JAK2: variants seen among roughly 807,000 people sequenced by gnomAD.
JAK2 encodes the protein tyrosine-protein kinase JAK2.
In JAK2, 86 loss-of-function variants were observed where a neutral mutation model predicts 139.3. That is an observed-to-expected ratio of 0.62 (90% CI 0.52 to 0.74). The LOEUF (loss-of-function observed/expected upper bound fraction) is 0.74. Ranked by LOEUF, JAK2 falls within the 30% of genes least tolerant of loss-of-function variation. JAK2 has a pLI of 0.00. For synonymous variants in JAK2, 490 were observed against 437.7 expected (o/e 1.12, Z -1.49); for missense variants, 1,421 against 1,360.3 (o/e 1.04, Z -0.70).
chr9:5,119,984 T>A (rs1823491497), intron 22 of JAK2, among the ~76,000 whole-genome samples: 1 of 152,222 alleles, frequency 6.6e-6, no homozygotes, highest in Admixed American at 6.5e-5. Flanking sequence ...ATAAACACTG[T>A]CTTAGTCCCT....
Position 5,080,353 on chromosome 9 carries a change from A to T in JAK2, c.2256A>T (p.Lys752Asn). The change falls in exon 17 of 25, where the codon AAA (lysine) becomes AAT (asparagine). Residue 752 changes from lysine to asparagine, a missense_variant. By Grantham distance (94) the Lys-to-Asn change is moderately conservative. Transcript: ENST00000381652. ...GGGAAATCTGCAGTGGAGGAGATAA[A>T]CCTCTAAGTGCTCTGGATTCTCAAA... ...TLWEICSGGD[K>N]PLSALDSQRK... 6.2e-7 allele frequency: 1 copy of T among 1,613,574 alleles called. No homozygotes were observed. The highest frequency in any genetic ancestry group is 8.5e-7 in the Non-Finnish European group (1 of 1,179,702).
intron 19 of JAK2, among the ~76,000 whole-genome samples, chr9:5,082,307 A>C (rs1819758844): frequency 6.6e-6 from 1 of 152,184 alleles, no homozygotes; most frequent in African/African-American, 2.4e-5. Flanking sequence ...GAGGAAAGGA[A>C]TCTGTGTCAC....
At chr9:5,060,385 A>T (rs1023613264) in intron 8 of JAK2, among the ~76,000 whole-genome samples, 6 of 152,206 alleles carry the variant, frequency 3.9e-5, no homozygotes. Flanking sequence ...TTTTACCCAC[A>T]GTAGAATTTC....
rs757639029 is a variant in JAK2 at position 5,022,184 on chromosome 9, A to C, written c.197A>C (p.Glu66Ala). The C allele has an allele frequency of 1.9e-6, 3 of 1,614,066 alleles. No individual in the cohort carries two copies. Among genetic ancestry groups the C allele is most frequent in the South Asian group, 2.2e-5 (2 of 91,070 alleles). ...TFPSGEYVAE[E>A]ICIAASKACG... The stretch of plus-strand genomic sequence containing the variant: ...CCATCTGGGGAGTATGTTGCAGAAG[A>C]AATCTGTATTGCTGCTTCTAAAGCT... The change falls in exon 3 of 25, where the codon GAA becomes GCA. Residue 66 changes from glutamate (E) to alanine (A), a missense_variant. Physicochemically the swap from Glu to Ala is moderately radical, Grantham distance 107. Transcript: ENST00000381652.
chr9:5,104,240 C>T (rs1047380136), intron 22 of JAK2, among the ~76,000 whole-genome samples: 9 of 152,028 alleles, frequency 5.9e-5, no homozygotes, highest in South Asian at 2.1e-4. Flanking sequence ...ATATCACCAC[C>T]GATCCCACAG....
intron 2 of JAK2, among the ~76,000 whole-genome samples, chr9:4,997,007 A>G (rs889385248): frequency 1.4e-5 from 2 of 143,098 alleles, no homozygotes; most frequent in Non-Finnish European, 3.0e-5. Context: ...GGCTCACTGC[A>G]GCCTTGCCTT....
At chr9:5,083,509 G>T (rs1819860775) in intron 19 of JAK2, among the ~76,000 whole-genome samples, 1 of 152,100 alleles carries the variant, frequency 6.6e-6, no homozygotes, top group Admixed American at 6.5e-5. Context: ...GGAACTTATA[G>T]CATTTATTGT....
intron 8 of JAK2, among the ~76,000 whole-genome samples, chr9:5,063,881 GGC>G (rs1818362658): frequency 2.0e-5 from 3 of 152,206 alleles, no homozygotes; most frequent in Non-Finnish European, 4.4e-5. Context: ...AATCAGGCCG[GGC>G]ATGGTGACTC....
chr9:5,025,722 G>T (rs1822742105), intron 3 of JAK2, among the ~76,000 whole-genome samples: 1 of 151,918 alleles, frequency 6.6e-6, no homozygotes, highest in Non-Finnish European at 1.5e-5. Context: ...TGGTAGAGAC[G>T]GGGTTTGCCA....
At chr9:5,032,133 A>G (rs1034010816) in intron 4 of JAK2, among the ~76,000 whole-genome samples, 4 of 152,240 alleles carry the variant, frequency 2.6e-5, no homozygotes, top group African/African-American at 9.6e-5. Flanking sequence ...TCCTACGCCC[A>G]CGGAGCCTCG....
In JAK2 at chr9:5,085,466, G is replaced by A; in HGVS notation, c.2571+3605G>A. ...TTCTTGAAGGTCTTTTCAAGGTATTGTGCAAATCTCTCATGCTCATTTTCT... is the reference window on the plus strand; with the variant it reads ...TTCTTGAAGGTCTTTTCAAGGTATTATGCAAATCTCTCATGCTCATTTTCT... On this transcript the variant is annotated intron_variant, in intron 19 of 24. Coordinates refer to ENST00000381652, the MANE Select transcript of JAK2 (RefSeq NM_004972.4). The A allele has an allele frequency of 4.1e-6, 3 of 729,208 alleles. No homozygotes were observed. In the Admixed American group the frequency reaches 5.3e-5, roughly 13 times the overall value. The allele number at this position is 729,208 out of a possible 1,614,324, so 45.2% of individuals were successfully genotyped here.
chr9:5,033,470 A>G (rs1463067965), intron 4 of JAK2, among the ~76,000 whole-genome samples: 1 of 152,214 alleles, frequency 6.6e-6, no homozygotes, highest in Non-Finnish European at 1.5e-5. Flanking sequence ...GAAGGAAAAA[A>G]TGTTAAGGGC....
intron 5 of JAK2, among the ~76,000 whole-genome samples, chr9:5,050,352 G>A (rs1259766311): frequency 1.3e-5 from 2 of 152,134 alleles, no homozygotes; most frequent in Admixed American, 6.5e-5. Context: ...CTAGGGTGCA[G>A]TGGTGTGATC....
chr9:5,109,685 T>G (rs977271082), intron 22 of JAK2: 3 of 152,148 alleles, frequency 2.0e-5, no homozygotes, highest in Non-Finnish European at 2.9e-5. Context: ...CAAACTGACA[T>G]TGAATGACAA....
In JAK2 at chr9:5,055,770, G is replaced by A. The variant is rs2130421208; in HGVS notation, c.1038G>A (p.Lys346=). The change falls in exon 8 of 25, where the codon AAG becomes AAA. Residue 346 remains lysine (K), a synonymous_variant. Transcript: ENST00000381652. The part of the protein sequence containing the change: ...SNESRVVTIH[K]QDGKNLEIEL... Reference sequence around the variant, plus strand: ...AAAGCCGAGTTGTAACTATCCATAAGCAAGATGGTAAAAATCTGGTAAGTT... The same window carrying A: ...AAAGCCGAGTTGTAACTATCCATAAACAAGATGGTAAAAATCTGGTAAGTT... The A allele has an allele frequency of 1.9e-6, 3 of 1,610,646 alleles. No individual in the cohort carries two copies. Among genetic ancestry groups the A allele is most frequent in the Non-Finnish European group, 1.7e-6 (2 of 1,177,698 alleles).
At position 5,022,007 on chromosome 9, in the gene JAK2, C is replaced by G; in HGVS notation, c.20C>G (p.Thr7Arg). MGMACLTMTEMEGTSTS... is the reference protein window; with the variant it reads MGMACLRMTEMEGTSTS... ...CTCTGCATGGGAATGGCCTGCCTTA[C>G]GATGACAGAAATGGAGGGAACATCC... The change falls in exon 3 of 25, where the codon ACG becomes AGG. Residue 7 changes from threonine (T) to arginine (R), a missense_variant. Coordinates refer to ENST00000381652, the MANE Select transcript of JAK2 (RefSeq NM_004972.4). 2 of 1,613,694 alleles carry G rather than the reference C, an allele frequency of 1.2e-6. No individual in the cohort carries two copies. Among genetic ancestry groups the G allele is most frequent in the Non-Finnish European group, 1.7e-6 (2 of 1,179,604 alleles).
intron 19 of JAK2, among the ~76,000 whole-genome samples, chr9:5,086,644 T>G (rs1453189207): frequency 6.6e-6 from 1 of 152,218 alleles, no homozygotes; most frequent in African/African-American, 2.4e-5. Context: ...TTATGTTAAA[T>G]GAGTTCCTTT....
At chr9:5,121,610 C>T (rs952418661) in intron 22 of JAK2, among the ~76,000 whole-genome samples, 1 of 152,118 alleles carries the variant, frequency 6.6e-6, no homozygotes, top group Non-Finnish European at 1.5e-5. Context: ...TTGAGAAAGA[C>T]ATTCATGGGT....
At chr9:5,092,307 C>G (rs755670214) in intron 22 of JAK2, among the ~76,000 whole-genome samples, 10 of 152,040 alleles carry the variant, frequency 6.6e-5, no homozygotes, top group African/African-American at 9.7e-5. Flanking sequence ...TGTCACCCTC[C>G]GCAAATATCA....
Sources: allele counts gnomAD v4.1 joint callset (sites outside exome capture counted in the v4.1 genomes callset), GRCh38; gene constraint gnomAD v4.1.1; transcripts MANE v1.5; gene names NCBI Gene and HGNC (gene_info 2026-07-23, HGNC 2026-07-21).